CHST8: variants seen among roughly 807,000 people sequenced by gnomAD.
The protein encoded by CHST8 is GALNAC-4-ST1.
In CHST8, 10 loss-of-function variants were observed where a neutral mutation model predicts 15.0. That is an observed-to-expected ratio of 0.67 (90% CI 0.41 to 1.13). The LOEUF is 1.13. Ranked by LOEUF, CHST8 falls within the 50% of genes most tolerant of loss-of-function variation. CHST8 has a pLI of 0.00. For synonymous variants in CHST8, 259 were observed against 256.6 expected, an observed-to-expected ratio of 1.01 and a Z score of -0.09; for missense variants, 634 against 608.2, an observed-to-expected ratio of 1.04 and a Z score of -0.45.
chr19:33,743,586 C>A (rs1190043710), intron 3 of CHST8, among the ~76,000 whole-genome samples: 1 of 151,922 alleles, frequency 6.6e-6, no homozygotes, highest in Non-Finnish European at 1.5e-5. Flanking sequence ...CAGGCGTGAG[C>A]CACTGCGCCC....
intron 3 of CHST8, among the ~76,000 whole-genome samples, chr19:33,690,808 C>T (rs537700823): frequency 6.6e-6 from 1 of 152,232 alleles, no homozygotes; most frequent in Admixed American, 6.5e-5. Flanking sequence ...GAACAGGGCC[C>T]CTCGGGACAG....
chr19:33,674,717 A>G (rs1972787604), intron 2 of CHST8, among the ~76,000 whole-genome samples: 4 of 152,228 alleles, frequency 2.6e-5, no homozygotes, highest in South Asian at 2.1e-4. Flanking sequence ...AGTCCCCCCA[A>G]CCACAGGCCA....
At chr19:33,716,108 C>CG (rs1258893715) in intron 3 of CHST8, among the ~76,000 whole-genome samples, 1 of 152,202 alleles carries the variant, frequency 6.6e-6, no homozygotes, top group Non-Finnish European at 1.5e-5. Flanking sequence ...CATATCGAGA[C>CG]GGATTTTTTT....
At position 33,772,304 on chromosome 19, in the gene CHST8, C is replaced by A; in HGVS notation, c.516C>A (p.Ser172Arg). ...EACAKYRASS[S>R]RRAVTPRHVS... is the part of the protein sequence containing the mutation. ...GCGCCAAGTACCGGGCGAGCAGCAG[C>A]CGCCGGGCCGTCACGCCCCGCCACG... is the stretch of plus-strand genomic sequence containing the variant. The change falls in exon 5 of 5, where the codon AGC becomes AGA. Residue 172 changes from serine (S) to arginine (R), a missense_variant. Physicochemically the swap from Ser to Arg is moderately radical, Grantham distance 110. Transcript: ENST00000650847. 1 of 1,603,022 alleles carries A rather than the reference C, an allele frequency of 6.2e-7. No individual in the cohort carries two copies. Among genetic ancestry groups the A allele is most frequent in the Non-Finnish European group, 8.5e-7 (1 of 1,179,050 alleles).
Position 33,772,012 on chromosome 19 carries a change from T to G in CHST8, c.224T>G (p.Val75Gly). The G allele has an allele frequency of 6.2e-7, 1 of 1,604,030 alleles. No individual in the cohort carries two copies. The highest frequency in any genetic ancestry group is 8.5e-7 in the Non-Finnish European group (1 of 1,176,702). The change falls in exon 5 of 5, where the codon GTC (valine) becomes GGC (glycine). Residue 75 changes from valine (V) to glycine (G), a missense_variant. By Grantham distance (109) the Val-to-Gly change is moderately radical. Transcript: ENST00000650847. The stretch of plus-strand genomic sequence containing the variant: ...GACTTGAAGGAACCCACAGAGAGGG[T>G]CACTCGGGACTTATCCAGTGGGGCC... ...DGDLKEPTERVTRDLSSGAPR... is the reference protein window; with the variant it reads ...DGDLKEPTERGTRDLSSGAPR...
At chr19:33,743,604 C>T (rs117508060) in intron 3 of CHST8, among the ~76,000 whole-genome samples, 13 of 151,968 alleles carry the variant, frequency 8.6e-5, no homozygotes, top group East Asian at 5.9e-4. Flanking sequence ...CCCGGCCTAC[C>T]ACAGCAATTC....
At chr19:33,685,311 C>T (rs1021414913) in intron 2 of CHST8, 1 of 151,960 alleles carries the variant, frequency 6.6e-6, no homozygotes, top group Non-Finnish European at 1.5e-5. Context: ...GAATCCTTCG[C>T]CCTGCCCTGT....
intron 3 of CHST8, among the ~76,000 whole-genome samples, chr19:33,704,944 A>G: frequency 6.6e-6 from 1 of 151,776 alleles, no homozygotes; most frequent in Non-Finnish European, 1.5e-5. Context: ...TCGGTAACAT[A>G]CATTTATGTG....
At chr19:33,698,302 CG>C (rs1484700316) in intron 3 of CHST8, among the ~76,000 whole-genome samples, 2 of 151,390 alleles carry the variant, frequency 1.3e-5, no homozygotes, top group Non-Finnish European at 2.9e-5. Context: ...GCTGAGATCA[CG>C]GCAACTACAA....
chr19:33,738,206 C>G (rs894886174), intron 3 of CHST8, among the ~76,000 whole-genome samples: 6 of 152,170 alleles, frequency 3.9e-5, no homozygotes, highest in Non-Finnish European at 8.8e-5. Flanking sequence ...AGGACAGGGT[C>G]GTGGACTGGC....
chr19:33,772,240 G>A lies in CHST8; in HGVS notation c.452G>A (p.Arg151Gln), dbSNP rs1448687234. The change falls in exon 5 of 5, where the codon CGG becomes CAG. Residue 151 changes from arginine to glutamine, a missense_variant. Arg to Gln is a conservative substitution (Grantham distance 43). Coordinates refer to ENST00000650847, the MANE Select transcript of CHST8 (RefSeq NM_001127895.2). ...GATGGCCGCTGGGTCAGCCTGCACCGGAGCCAGCAGGAGCGCAAGCGGGTG... is the reference window on the plus strand; with the variant it reads ...GATGGCCGCTGGGTCAGCCTGCACCAGAGCCAGCAGGAGCGCAAGCGGGTG... ...TLDGRWVSLH[R>Q]SQQERKRVMQ... 6.3e-6 allele frequency: 10 copies of A among 1,597,630 alleles called. No individual in the cohort carries two copies. Among genetic ancestry groups the A allele is most frequent in the South Asian group, 1.1e-5 (1 of 90,370 alleles).
intron 3 of CHST8, among the ~76,000 whole-genome samples, chr19:33,743,475 C>A (rs539846459): frequency 1.3e-5 from 2 of 151,532 alleles, no homozygotes; most frequent in African/African-American, 2.4e-5. Flanking sequence ...CTAATTTTTT[C>A]TATTTTTAGT....
At chr19:33,725,736 G>A (rs1489826790) in intron 3 of CHST8, among the ~76,000 whole-genome samples, 1 of 152,270 alleles carries the variant, frequency 6.6e-6, no homozygotes, top group African/African-American at 2.4e-5. Context: ...TGAGCCAAGA[G>A]AACAGAGCTG....
At chr19:33,720,034 A>T (rs921160716) in intron 3 of CHST8, among the ~76,000 whole-genome samples, 5 of 151,986 alleles carry the variant, frequency 3.3e-5, no homozygotes, top group Non-Finnish European at 7.4e-5. Flanking sequence ...CCTAGGCAGC[A>T]CTGTGGTGTC....
rs1972135543 is a variant in CHST8 at position 33,632,560 on chromosome 19, A to G, written c.-164+10264A>G. Among the ~76,000 whole-genome samples, 3 of 152,144 alleles carry G rather than the reference A, an allele frequency of 2.0e-5. No homozygotes were observed. In the South Asian group the frequency reaches 6.2e-4, roughly 32 times the overall value. On this transcript the variant is annotated intron_variant, in intron 1 of 4. Coordinates refer to ENST00000650847, the MANE Select transcript of CHST8 (RefSeq NM_001127895.2). ...ATTCCAAGTGTAGTACACATACAGA[A>G]AAGCGAACAGATCCTACGTATACAA...
intron 3 of CHST8, among the ~76,000 whole-genome samples, chr19:33,691,177 C>T (rs1292201517): frequency 6.6e-6 from 1 of 152,216 alleles, no homozygotes; most frequent in Admixed American, 6.5e-5. Context: ...AGTGCACATA[C>T]GTGTGGATTA....
In CHST8 at chr19:33,753,263, A is replaced by G. The variant is rs551713728; in HGVS notation, c.131-18150A>G. 5.3e-4 allele frequency among the ~76,000 whole-genome samples: 80 copies of G among 151,970 alleles called. No individual in the cohort carries two copies. The East Asian group carries it at 0.015, about 28-fold the overall frequency. ...TCCATCTCTGCTCCTGTCTCCCTCC[A>G]GCACCCCTTTCCAGCCCCAGCCCTT... is the stretch of plus-strand genomic sequence containing the variant. On this transcript the variant is annotated intron_variant, in intron 3 of 4. Coordinates refer to ENST00000650847, the MANE Select transcript of CHST8 (RefSeq NM_001127895.2).
At chr19:33,771,298 G>T in intron 3 of CHST8, 115 bp from the exon 4 acceptor site, 1 of 1,027,514 alleles carries the variant, frequency 9.7e-7, no homozygotes, top group Non-Finnish European at 1.5e-6. Context: ...TTTCCCTAGA[G>T]CCTACCCCAA....
chr19:33,765,910 T>C (rs969390592), intron 3 of CHST8, among the ~76,000 whole-genome samples: 1 of 152,042 alleles, frequency 6.6e-6, no homozygotes, highest in African/African-American at 2.4e-5. Context: ...AGCCTTTGAG[T>C]AGAGGAAATG....
Sources: allele counts gnomAD v4.1 joint callset (sites outside exome capture counted in the v4.1 genomes callset), GRCh38; gene constraint gnomAD v4.1.1; transcripts MANE v1.5; gene names NCBI Gene and HGNC (gene_info 2026-07-23, HGNC 2026-07-21).